ZNF529: variants seen among roughly 807,000 people sequenced by gnomAD.
ZNF529 encodes the protein zinc finger protein 529.
ZNF529 carries 11 observed loss-of-function variants against 10.1 expected under a neutral mutation model. The ratio of observed to expected loss-of-function variants is 1.09; its 90% CI spans 0.69 to 1.81. The LOEUF is 1.81. ZNF529 is among the 40% of genes most tolerant of loss of function. ZNF529 has a pLI of 0.00. For synonymous variants in ZNF529, 204 were observed against 215.7 expected (o/e 0.95, Z 0.47); for missense variants, 624 against 666.8 (o/e 0.94, Z 0.71).
chr19:36,566,156 T>TG (rs2035889762), intron 2 of ZNF529, among the ~76,000 whole-genome samples: 2 of 152,180 alleles, frequency 1.3e-5, no homozygotes, highest in African/African-American at 2.4e-5. Context: ...ATGTGATCCT[T>TG]TCACTAGTGG....
chr19:36,603,156 T>C (rs912596830), intron 1 of ZNF529, among the ~76,000 whole-genome samples: 6 of 152,222 alleles, frequency 3.9e-5, no homozygotes. Context: ...TTTCCACTCA[T>C]GTCTCTGAAG....
intron 4 of ZNF529, among the ~76,000 whole-genome samples, chr19:36,553,402 A>C (rs2035339360): frequency 6.6e-6 from 1 of 151,974 alleles, no homozygotes; most frequent in Non-Finnish European, 1.5e-5. Flanking sequence ...GGCCTCCCAA[A>C]GTGCTGGGAT....
chr19:36,591,700 G>A (rs1485226633), intron 1 of ZNF529, among the ~76,000 whole-genome samples: 1 of 150,644 alleles, frequency 6.6e-6, no homozygotes, highest in African/African-American at 2.5e-5. Context: ...ACTCCAGCCT[G>A]GGCGACAGAG....
intron 2 of ZNF529, among the ~76,000 whole-genome samples, chr19:36,588,559 C>T (rs144646082): frequency 1.6e-3 from 238 of 152,272 alleles, no homozygotes; most frequent in African/African-American, 5.6e-3. Context: ...CATCCTTGTT[C>T]TGAAATGAGT....
chr19:36,558,359 C>G (rs2035558824), intron 2 of ZNF529, among the ~76,000 whole-genome samples: 1 of 151,880 alleles, frequency 6.6e-6, no homozygotes, highest in Admixed American at 6.6e-5. Flanking sequence ...GCATAGAGAT[C>G]CAAACATAGA....
chr19:36,559,151 T>G (rs1031376135), intron 2 of ZNF529, among the ~76,000 whole-genome samples: 16 of 152,068 alleles, frequency 1.1e-4, no homozygotes, highest in Non-Finnish European at 4.4e-5. Context: ...GACAAGGATA[T>G]GGAAAAAAGG....
At chr19:36,591,098 G>A (rs752986439) in intron 1 of ZNF529, among the ~76,000 whole-genome samples, 1 of 151,166 alleles carries the variant, frequency 6.6e-6, no homozygotes, top group Admixed American at 6.6e-5. Context: ...TCAAGAGATC[G>A]AGACCATCCT....
chr19:36,546,746 T>A lies in ZNF529; in HGVS notation c.*120A>T. 9.5e-7 allele frequency: 1 copy of A among 1,054,010 alleles called. No individual in the cohort carries two copies. Among genetic ancestry groups the A allele is most frequent in the Non-Finnish European group, 1.4e-6 (1 of 735,996 alleles). 65.3% of individuals were successfully genotyped at this position (1,054,010 alleles called of 1,614,324 possible). On this transcript the variant is annotated 3_prime_UTR_variant, in exon 5 of 5. Coordinates refer to ENST00000591340, the MANE Select transcript of ZNF529 (RefSeq NM_020951.5). ...TCTACGTCTACATACAGAATGACCATGAAGTCTAAAAACAGACTTTAAGAG... is the reference window on the plus strand; with the variant it reads ...TCTACGTCTACATACAGAATGACCAAGAAGTCTAAAAACAGACTTTAAGAG...
chr19:36,586,183 T>G (rs2036575314), intron 2 of ZNF529, among the ~76,000 whole-genome samples: 1 of 152,234 alleles, frequency 6.6e-6, no homozygotes, highest in South Asian at 2.1e-4. Context: ...TTTGTCATCA[T>G]GCAAACAAGT....
chr19:36,544,628 C>T lies in ZNF529; in HGVS notation c.*2238G>A, dbSNP rs2145773775. ...TAGAATTTAGTTAGAAATAGAGCTA[C>T]TACTCTATTTCAAAGATATGAAATA... On this transcript the variant is annotated 3_prime_UTR_variant, in exon 5 of 5. Transcript: ENST00000591340. The T allele has an allele frequency of 2.0e-5, 3 of 152,284 alleles. No homozygotes were observed. The East Asian group carries it at 5.8e-4, about 29-fold the overall frequency. 9.4% of individuals were successfully genotyped at this position (152,284 alleles called of 1,614,324 possible).
At chr19:36,585,207 G>A (rs1308870460) in intron 2 of ZNF529, among the ~76,000 whole-genome samples, 1 of 152,192 alleles carries the variant, frequency 6.6e-6, no homozygotes, top group Non-Finnish European at 1.5e-5. Flanking sequence ...TAAAGACTCA[G>A]GCCTATCAGT....
intron 2 of ZNF529, among the ~76,000 whole-genome samples, chr19:36,585,328 CAG>C (rs1411838545): frequency 6.6e-6 from 1 of 152,210 alleles, no homozygotes; most frequent in Non-Finnish European, 1.5e-5. Flanking sequence ...TCTTGACCAG[CAG>C]AGAGCCCCAG....
At chr19:36,555,958 A>T in intron 3 of ZNF529, 146 bp downstream of exon 3, 1 of 720,568 alleles carries the variant, frequency 1.4e-6, no homozygotes, top group Non-Finnish European at 2.3e-6. Context: ...AGAGGCACAC[A>T]GGAGGGACAC....
Position 36,546,318 on chromosome 19 carries a change from CAAAAT to C in ZNF529, c.*543_*547del, listed in dbSNP as rs2035019371. The C allele has an allele frequency of 6.7e-6, 1 of 150,098 alleles. No individual in the cohort carries two copies. Among genetic ancestry groups the C allele is most frequent in the African/African-American group, 2.5e-5 (1 of 40,610 alleles). 9.3% of individuals were successfully genotyped at this position (150,098 alleles called of 1,614,324 possible). ...TTTTTTTGGGGGGAATATGTTGTATCAAAATAAAGTAGAAATTTAAAGAGAAGTCA... is the reference window on the plus strand; with the variant it reads ...TTTTTTTGGGGGGAATATGTTGTATCAAAGTAGAAATTTAAAGAGAAGTCA... On this transcript the variant is annotated 3_prime_UTR_variant, in exon 5 of 5. Coordinates refer to ENST00000591340, the MANE Select transcript of ZNF529 (RefSeq NM_020951.5).
intron 4 of ZNF529, among the ~76,000 whole-genome samples, chr19:36,551,586 A>G (rs1239579193): frequency 2.6e-5 from 4 of 152,232 alleles, no homozygotes; most frequent in African/African-American, 4.8e-5. Flanking sequence ...ATATAATAAA[A>G]AAAGCCTCTT....
intron 2 of ZNF529, among the ~76,000 whole-genome samples, chr19:36,568,555 T>C (rs902013409): frequency 1.3e-5 from 2 of 151,378 alleles, no homozygotes; most frequent in African/African-American, 4.9e-5. Flanking sequence ...CACTGCAACC[T>C]CTGCCTCCCA....
intron 2 of ZNF529, among the ~76,000 whole-genome samples, chr19:36,564,595 A>G (rs2035828506): frequency 6.6e-6 from 1 of 152,230 alleles, no homozygotes; most frequent in Non-Finnish European, 1.5e-5. Context: ...AGTCAAAAGT[A>G]ACAGATGTTG....
At chr19:36,550,751 C>A (rs1288879124) in intron 4 of ZNF529, among the ~76,000 whole-genome samples, 1 of 151,782 alleles carries the variant, frequency 6.6e-6, no homozygotes, top group Non-Finnish European at 1.5e-5. Context: ...GAACAGTGAC[C>A]TAAAGAAAAG....
At chr19:36,561,713 T>A (rs779050493) in intron 2 of ZNF529, among the ~76,000 whole-genome samples, 1 of 152,216 alleles carries the variant, frequency 6.6e-6, no homozygotes, top group Non-Finnish European at 1.5e-5. Context: ...GGCACCTGAC[T>A]GCAACCTATG....
Sources: gnomAD v4.1 joint callset for allele counts (sites outside exome capture counted in the v4.1 genomes callset) on GRCh38, gnomAD v4.1.1 for gene constraint, MANE v1.5 for transcripts, NCBI Gene and HGNC (gene_info 2026-07-23, HGNC 2026-07-21) for gene names.